Variants in MCHR2 observed in about 807,000 individuals in gnomAD.
MCHR2 encodes the protein melanin-concentrating hormone receptor 2.
In MCHR2, 15 loss-of-function variants were observed where a neutral mutation model predicts 24.8. The ratio of observed to expected loss-of-function variants is 0.60; its 90% CI spans 0.40 to 0.93. The LOEUF is 0.93. Ranked by LOEUF, MCHR2 falls within the 40% of genes least tolerant of loss-of-function variation. The pLI is 0.00. For missense variants in MCHR2, 386 were observed against 408.7 expected, an observed-to-expected ratio of 0.94 and a Z score of 0.48; for synonymous variants, 151 against 147.6, an observed-to-expected ratio of 1.02 and a Z score of -0.17.
At chr6:99,973,770 T>A (rs1775487397) in intron 1 of MCHR2, among the ~76,000 whole-genome samples, 2 of 152,202 alleles carry the variant, frequency 1.3e-5, no homozygotes, top group African/African-American at 4.8e-5. Flanking sequence ...TGACAAAATC[T>A]CTCAGCATTT....
intron 1 of MCHR2, among the ~76,000 whole-genome samples, chr6:99,973,446 C>G (rs975303207): frequency 5.3e-5 from 8 of 152,082 alleles, no homozygotes; most frequent in Non-Finnish European, 1.2e-4. Context: ...TCATTTTGAG[C>G]CTATGTGTGT....
intron 3 of MCHR2, among the ~76,000 whole-genome samples, chr6:99,945,060 T>G (rs913408645): frequency 9.9e-5 from 15 of 152,148 alleles, no homozygotes; most frequent in Admixed American, 8.5e-4. Flanking sequence ...GGACCATGAC[T>G]ATAAAAGAAG....
At chr6:99,927,807 T>G (rs934793327) in intron 5 of MCHR2, among the ~76,000 whole-genome samples, 4 of 152,180 alleles carry the variant, frequency 2.6e-5, no homozygotes, top group Admixed American at 6.5e-5. Flanking sequence ...CTTCCTCTTT[T>G]CCTAATTGAA....
intron 1 of MCHR2, among the ~76,000 whole-genome samples, chr6:99,976,508 T>G (rs1485838836): frequency 2.0e-5 from 3 of 152,170 alleles, no homozygotes; most frequent in African/African-American, 7.2e-5. Flanking sequence ...AGGCCCTAGT[T>G]GTGTAGCCAT....
Position 99,920,961 on chromosome 6 carries a change from G to A in MCHR2, c.1002C>T (p.Asn334=). 2 of 1,614,110 alleles carry A rather than the reference G, an allele frequency of 1.2e-6. No homozygotes were observed. The highest frequency in any genetic ancestry group is 1.7e-6 in the Non-Finnish European group (2 of 1,179,984). Residue 334 remains asparagine, a synonymous_variant, in exon 6 of 6, where the codon AAC becomes AAT. Transcript: ENST00000281806. ...ATEKEINNMG[N]TLKSHF is the part of the protein sequence containing the mutation. ...TTTCCTAAAAGTGTGATTTCAGAGT[G>A]TTTCCCATATTGTTGATTTCCTTCT...
At chr6:99,921,744 T>C (rs1774237549) in intron 5 of MCHR2, among the ~76,000 whole-genome samples, 1 of 152,186 alleles carries the variant, frequency 6.6e-6, no homozygotes, top group Non-Finnish European at 1.5e-5. Context: ...TTAATACCCA[T>C]TAACCATCCT....
intron 1 of MCHR2, among the ~76,000 whole-genome samples, chr6:99,968,458 G>T (rs34516410): frequency 0.17 from 26,470 of 152,056 alleles, 2,479 homozygotes; most frequent in Middle Eastern, 0.23. Context: ...GCAAGCTAGG[G>T]GTCATTCTAC....
intron 5 of MCHR2, among the ~76,000 whole-genome samples, chr6:99,926,380 T>G (rs1331284871): frequency 1.3e-5 from 2 of 152,314 alleles, no homozygotes; most frequent in East Asian, 3.9e-4. Context: ...AAATAGTATT[T>G]CTAGTTGTAG....
chr6:99,979,333 C>A (rs1424189173), intron 1 of MCHR2, among the ~76,000 whole-genome samples: 1 of 152,038 alleles, frequency 6.6e-6, no homozygotes, highest in Non-Finnish European at 1.5e-5. Flanking sequence ...ATGTTTTATT[C>A]ATCTTTTTTA....
chr6:99,949,446 A>G (rs1351548724), intron 2 of MCHR2, among the ~76,000 whole-genome samples: 2 of 152,104 alleles, frequency 1.3e-5, no homozygotes, highest in Non-Finnish European at 2.9e-5. Context: ...TTATGCCACA[A>G]TTGCTAGTTT....
chr6:99,928,392 G>T (rs1004914732), intron 5 of MCHR2, among the ~76,000 whole-genome samples: 1 of 152,006 alleles, frequency 6.6e-6, no homozygotes, highest in African/African-American at 2.4e-5. Context: ...CTATTGATTG[G>T]AATAGTTTCA....
At chr6:99,926,390 G>A (rs1225615341) in intron 5 of MCHR2, among the ~76,000 whole-genome samples, 2 of 152,176 alleles carry the variant, frequency 1.3e-5, no homozygotes, top group East Asian at 3.9e-4. Flanking sequence ...TCTAGTTGTA[G>A]ATCCCTGAGG....
At chr6:99,959,779 A>G (rs1030833032) in intron 1 of MCHR2, among the ~76,000 whole-genome samples, 8 of 149,954 alleles carry the variant, frequency 5.3e-5, no homozygotes, top group African/African-American at 1.9e-4. Flanking sequence ...ATTTGAAGAC[A>G]ACTCATTTGA....
chr6:99,928,103 T>G (rs1291271071), intron 5 of MCHR2, among the ~76,000 whole-genome samples: 4 of 152,218 alleles, frequency 2.6e-5, no homozygotes, highest in Non-Finnish European at 2.9e-5. Flanking sequence ...ATCGTGTGGT[T>G]TTTGTCTTTG....
At chr6:99,922,801 G>A (rs895068696) in intron 5 of MCHR2, among the ~76,000 whole-genome samples, 2 of 152,082 alleles carry the variant, frequency 1.3e-5, no homozygotes, top group Admixed American at 6.6e-5. Context: ...TAGATCTGTA[G>A]TATTATTTGA....
chr6:99,977,569 T>C (rs1258051934), intron 1 of MCHR2, among the ~76,000 whole-genome samples: 1 of 152,140 alleles, frequency 6.6e-6, no homozygotes, highest in Non-Finnish European at 1.5e-5. Context: ...TATTTACCAT[T>C]GCATTGGTAT....
At chr6:99,950,617 A>G (rs1019265096) in intron 2 of MCHR2, among the ~76,000 whole-genome samples, 2 of 152,152 alleles carry the variant, frequency 1.3e-5, no homozygotes, top group Non-Finnish European at 2.9e-5. Flanking sequence ...AATACTATTA[A>G]GTAAAAAGAA....
intron 1 of MCHR2, among the ~76,000 whole-genome samples, chr6:99,971,252 G>C (rs1775411360): frequency 6.6e-6 from 1 of 151,854 alleles, no homozygotes; most frequent in South Asian, 2.1e-4. Flanking sequence ...GTGGTTTGTA[G>C]TTCTCCTTGA....
chr6:99,974,354 G>T (rs1186853328), intron 1 of MCHR2, among the ~76,000 whole-genome samples: 1 of 151,978 alleles, frequency 6.6e-6, no homozygotes, highest in East Asian at 1.9e-4. Flanking sequence ...GATTGCATTG[G>T]CTCCTGAGGC....
Sources: allele counts gnomAD v4.1 joint callset (sites outside exome capture counted in the v4.1 genomes callset), GRCh38; gene constraint gnomAD v4.1.1; transcripts MANE v1.5; gene names NCBI Gene and HGNC (gene_info 2026-07-23, HGNC 2026-07-21).